TMEM143: variants seen among roughly 807,000 people sequenced by gnomAD.
The protein encoded by TMEM143 is transmembrane protein 143.
A neutral mutation model predicts 40.3 loss-of-function variants in TMEM143; 45 were observed. That is an observed-to-expected ratio of 1.12 (90% CI 0.88 to 1.43). TMEM143 has a LOEUF of 1.43. Ranked by LOEUF, TMEM143 falls within the 40% of genes most tolerant of loss-of-function variation. The pLI is 0.00. For missense variants in TMEM143, 620 were observed against 613.4 expected, an observed-to-expected ratio of 1.01 and a Z score of -0.11; for synonymous variants, 299 against 282.7, an observed-to-expected ratio of 1.06 and a Z score of -0.58.
intron 2 of TMEM143, among the ~76,000 whole-genome samples, chr19:48,362,164 TTGTG>T (rs969644059): frequency 7.9e-5 from 12 of 152,008 alleles, no homozygotes; most frequent in South Asian, 2.1e-4. Flanking sequence ...TTGTGTGTAT[TTGTG>T]TGTGTGTATT....
At chr19:48,348,489 C>T (rs1436126974) in intron 3 of TMEM143, among the ~76,000 whole-genome samples, 1 of 152,168 alleles carries the variant, frequency 6.6e-6, no homozygotes, top group African/African-American at 2.4e-5. Flanking sequence ...TAACACACAC[C>T]ATCCCCTGCC....
At chr19:48,337,557 G>GA (rs146218078) in intron 6 of TMEM143, among the ~76,000 whole-genome samples, 177 of 145,626 alleles carry the variant, frequency 1.2e-3, no homozygotes, top group Middle Eastern at 3.5e-3. Context: ...AAAAAAAGAA[G>GA]AAAAAAAAAA....
chr19:48,358,450 C>G (rs1245387801), intron 3 of TMEM143, among the ~76,000 whole-genome samples: 9 of 151,828 alleles, frequency 5.9e-5, no homozygotes, highest in Non-Finnish European at 1.2e-4. Context: ...ATTCTTAAGT[C>G]CAAAACTGAG....
chr19:48,355,638 G>A (rs1407225864), intron 3 of TMEM143, among the ~76,000 whole-genome samples: 1 of 152,326 alleles, frequency 6.6e-6, no homozygotes, highest in Admixed American at 6.5e-5. Flanking sequence ...AGCAAAGTGC[G>A]GAGCTGCAGA....
chr19:48,337,494 C>G (rs1324057932), intron 6 of TMEM143, among the ~76,000 whole-genome samples: 1 of 151,838 alleles, frequency 6.6e-6, no homozygotes, highest in Non-Finnish European at 1.5e-5. Context: ...TTGCAGTGAG[C>G]TGAGGTTGCA....
intron 6 of TMEM143, among the ~76,000 whole-genome samples, chr19:48,340,216 C>A (rs1006871781): frequency 6.8e-6 from 1 of 146,980 alleles, no homozygotes; most frequent in Non-Finnish European, 1.5e-5. Context: ...AACCTCTGCC[C>A]CCTGGGTTCA....
chr19:48,342,675 T>G lies in TMEM143; in HGVS notation c.830A>C (p.Gln277Pro). Reference protein sequence around the residue: ...PELKVRTPTLQRALLNLMLVV... With the variant: ...PELKVRTPTLPRALLNLMLVV... ...CAGCATGAGGTTGAGCAGGGCGCGC[T>G]GCAGGGTGGGCGTGCGCACCTTCAG... Residue 277 changes from glutamine (Q) to proline (P), a missense_variant, in exon 6 of 8, where the codon CAG (glutamine) becomes CCG (proline). By Grantham distance (76) the Gln-to-Pro change is moderately conservative. Transcript: ENST00000293261. The G allele has an allele frequency of 6.2e-7, 1 of 1,614,132 alleles. No homozygotes were observed. The highest frequency in any genetic ancestry group is 2.2e-5 in the East Asian group (1 of 44,888).
At chr19:48,357,762 T>G (rs2147385715) in intron 3 of TMEM143, among the ~76,000 whole-genome samples, 1 of 152,238 alleles carries the variant, frequency 6.6e-6, no homozygotes, top group South Asian at 2.1e-4. Context: ...AGGAACAAAA[T>G]AATGTCTCTT....
chr19:48,334,232 G>A (rs1449953483), intron 6 of TMEM143, 35 bp from the exon 7 acceptor site: 1 of 1,554,668 alleles, frequency 6.4e-7, no homozygotes, highest in Non-Finnish European at 8.7e-7. Flanking sequence ...GGCTCAGTTC[G>A]GGGTGCGCCC....
chr19:48,363,837 G>T (rs1569041417), intron 1 of TMEM143, 61 bp downstream of exon 1: 3 of 1,611,396 alleles, frequency 1.9e-6, no homozygotes, highest in East Asian at 4.5e-5. Flanking sequence ...GCTCGTAAAG[G>T]TTACCTAGGG....
rs200070999 is a variant in TMEM143 at position 48,345,220 on chromosome 19, C to A, written c.504G>T (p.Pro168=). Residue 168 remains proline (P), a synonymous_variant, in exon 4 of 8, where the codon CCG becomes CCT. Transcript: ENST00000293261. The part of the protein sequence containing the change: ...EPLLAQANFS[P]LSEDTLAYAL... Reference sequence around the variant, plus strand: ...CGTAGGCCAGGGTGTCCTCAGACAGCGGGGAGAAGTTGGCCTGGGCCAGCA... The same window carrying A: ...CGTAGGCCAGGGTGTCCTCAGACAGAGGGGAGAAGTTGGCCTGGGCCAGCA... 7 of 1,613,256 alleles carry A rather than the reference C, an allele frequency of 4.3e-6. No homozygotes were observed. Among genetic ancestry groups the A allele is most frequent in the South Asian group, 1.1e-5 (1 of 91,062 alleles).
intron 1 of TMEM143, 132 bp from the exon 2 acceptor site, chr19:48,363,663 C>T (rs775827244): frequency 3.5e-5 from 50 of 1,420,968 alleles, no homozygotes; most frequent in South Asian, 4.3e-5. Flanking sequence ...CGCCTCAAAG[C>T]CCCTGTTGCC....
chr19:48,362,421 G>A (rs1970065628), intron 2 of TMEM143, among the ~76,000 whole-genome samples: 1 of 152,110 alleles, frequency 6.6e-6, no homozygotes, highest in Non-Finnish European at 1.5e-5. Context: ...GCCTCTCGGG[G>A]GCTGAGGAAG....
intron 2 of TMEM143, among the ~76,000 whole-genome samples, chr19:48,363,065 C>A (rs1032017696): frequency 6.6e-6 from 1 of 152,226 alleles, no homozygotes; most frequent in African/African-American, 2.4e-5. Context: ...CCTGTTCAAG[C>A]CCTCAGAACA....
chr19:48,362,093 T>C (rs186396416), intron 2 of TMEM143, among the ~76,000 whole-genome samples: 1 of 152,348 alleles, frequency 6.6e-6, no homozygotes, highest in East Asian at 1.9e-4. Context: ...TTTGTATGTG[T>C]ATATTTGTGT....
chr19:48,352,262 A>AAAACAAAACAAAACAAAAAAAAAAC lies in TMEM143; in HGVS notation c.370-6909_370-6908insGTTTTTTTTTTGTTTTGTTTTGTTT, dbSNP rs74518287. On this transcript the variant is annotated intron_variant, in intron 3 of 7. Coordinates refer to ENST00000293261, the MANE Select transcript of TMEM143 (RefSeq NM_018273.4). ...ACTCTGTCTCAAAAAAAAAAAAAAA[A>AAAACAAAACAAAACAAAAAAAAAAC]CACCATATCTGCATATAACCTCTAC... Among the ~76,000 whole-genome samples, 16 of 145,186 alleles carry AAAACAAAACAAAACAAAAAAAAAAC rather than the reference A, an allele frequency of 1.1e-4. 1 individual carries two copies. Among genetic ancestry groups the AAAACAAAACAAAACAAAAAAAAAAC allele is most frequent in the Middle Eastern group, 3.9e-3 (1 of 258 alleles).
At chr19:48,356,929 G>C (rs1469013014) in intron 3 of TMEM143, among the ~76,000 whole-genome samples, 2 of 91,548 alleles carry the variant, frequency 2.2e-5, no homozygotes, top group African/African-American at 8.9e-5. Flanking sequence ...TTTTGAGATG[G>C]AGTCTCACTC....
intron 3 of TMEM143, among the ~76,000 whole-genome samples, chr19:48,350,651 G>C (rs1436005657): frequency 6.6e-6 from 1 of 152,102 alleles, no homozygotes; most frequent in Non-Finnish European, 1.5e-5. Flanking sequence ...GCCGGGCACA[G>C]TGGCTCACGC....
At chr19:48,361,081 A>G (rs1017497736) in intron 2 of TMEM143, among the ~76,000 whole-genome samples, 1 of 151,544 alleles carries the variant, frequency 6.6e-6, no homozygotes, top group Admixed American at 6.6e-5. Flanking sequence ...CATACCCCCA[A>G]GGTTGATGGA....
Sources: allele counts gnomAD v4.1 joint callset (sites outside exome capture counted in the v4.1 genomes callset), GRCh38; gene constraint gnomAD v4.1.1; transcripts MANE v1.5; gene names NCBI Gene and HGNC (gene_info 2026-07-23, HGNC 2026-07-21).